Variants in GATAD1 observed in about 807,000 individuals in gnomAD.
GATAD1 encodes GATA zinc finger domain containing 1.
In GATAD1, 12 loss-of-function variants were observed where a neutral mutation model predicts 26.5. The ratio of observed to expected loss-of-function variants is 0.45; its 90% CI spans 0.29 to 0.73. The LOEUF (loss-of-function observed/expected upper bound fraction) is 0.73, where lower values mean the gene tolerates loss of function less well. Among genes scored for constraint, GATAD1 ranks in the 30% least tolerant of loss-of-function variants. The pLI is 0.10. For missense variants in GATAD1, 266 were observed against 342.1 expected, an observed-to-expected ratio of 0.78 and a Z score of 1.75; for synonymous variants, 129 against 133.1, an observed-to-expected ratio of 0.97 and a Z score of 0.21.
At chr7:92,450,630 C>T (rs1249958370) in intron 2 of GATAD1, 71 bp from the exon 3 acceptor site, 1 of 958,816 alleles carries the variant, frequency 1.0e-6, no homozygotes, top group Non-Finnish European at 1.7e-6. Flanking sequence ...GCAGAACTCT[C>T]ATAGGGCTGG....
the GATAD1 span, among the ~76,000 whole-genome samples, chr7:92,479,086 C>T: frequency 1.1e-4 from 17 of 152,200 alleles, no homozygotes; most frequent in East Asian, 9.6e-4. Context: ...TTCCTTCTCT[C>T]GGCTTGGAGC....
At chr7:92,492,972 A>G in the GATAD1 span, 1 of 1,613,796 alleles carries the variant, frequency 6.2e-7, no homozygotes. Flanking sequence ...ACTCGAGAGC[A>G]GCATTCCATG....
chr7:92,470,110 A>G, the GATAD1 span: 1 of 778,562 alleles, frequency 1.3e-6, no homozygotes, highest in Non-Finnish European at 2.4e-6. Context: ...AGGATTAATC[A>G]TTTTTCCTGT....
the GATAD1 span, chr7:92,469,230 T>C: frequency 1.3e-6 from 1 of 763,024 alleles, no homozygotes; most frequent in Non-Finnish European, 2.4e-6. Context: ...AGTCTAAAGC[T>C]CTTCGATTTT....
intron 4 of GATAD1, among the ~76,000 whole-genome samples, chr7:92,455,429 A>G (rs1205608489): frequency 8.5e-5 from 13 of 152,222 alleles, no homozygotes. Context: ...CAAATTCTCA[A>G]TATGTGTGCC....
the GATAD1 span, among the ~76,000 whole-genome samples, chr7:92,467,933 T>C: frequency 6.6e-6 from 1 of 152,250 alleles, no homozygotes; most frequent in East Asian, 1.9e-4. Flanking sequence ...TTTCTTGCTC[T>C]ACCATTAGTG....
At position 92,447,880 on chromosome 7, in the gene GATAD1, G is replaced by A; in HGVS notation, c.151G>A (p.Gly51Arg). 2 of 1,295,216 alleles carry A rather than the reference G, an allele frequency of 1.5e-6. No individual in the cohort carries two copies. The highest frequency in any genetic ancestry group is 1.6e-5 in the African/African-American group (1 of 64,446). 80.2% of individuals were successfully genotyped at this position (1,295,216 alleles called of 1,614,324 possible). A position where few individuals can be genotyped will look rare whatever the true frequency, so the allele number is the denominator to read the frequency against. The stretch of plus-strand genomic sequence containing the variant: ...GGGCGCAGGCTCGGGGGCGGCTGGA[G>A]GGACTGGGGGCAGCGGCGGCGGCGG... ...SGGAGSGAAG[G>R]TGGSGGGGFG... The change falls in exon 1 of 5, where the codon GGG (glycine) becomes AGG (arginine). Residue 51 changes from glycine to arginine, a missense_variant. Gly to Arg is a moderately radical substitution (Grantham distance 125). Transcript: ENST00000287957.
At chr7:92,468,918 C>G in the GATAD1 span, 23 of 763,816 alleles carry the variant, frequency 3.0e-5, no homozygotes, top group Non-Finnish European at 5.5e-5. Flanking sequence ...GCATCTTGGG[C>G]TCCATTTGTA....
At chr7:92,448,906 C>T in intron 2 of GATAD1, 29 bp downstream of exon 2, 1 of 1,599,384 alleles carries the variant, frequency 6.3e-7, no homozygotes, top group Non-Finnish European at 8.6e-7. Flanking sequence ...GTGCCTTTTA[C>T]TGTAATGACG....
the GATAD1 span, chr7:92,491,218 A>C: frequency 1.2e-5 from 15 of 1,242,376 alleles, no homozygotes; most frequent in Non-Finnish European, 1.2e-6. Context: ...GCAACTTTAC[A>C]CCAACATATA....
the GATAD1 span, chr7:92,478,057 A>T: frequency 6.6e-6 from 1 of 152,076 alleles, no homozygotes; most frequent in African/African-American, 2.4e-5. Flanking sequence ...CCTAATTAGC[A>T]TTTTAGTGAG....
chr7:92,459,995 TAAAC>T lies in GATAD1; in HGVS notation c.*3436_*3439del, dbSNP rs1789861558. Among the ~76,000 whole-genome samples, 1 of 152,264 alleles carries T rather than the reference TAAAC, an allele frequency of 6.6e-6. No homozygotes were observed. Among genetic ancestry groups the T allele is most frequent in the Non-Finnish European group, 1.5e-5 (1 of 68,046 alleles). ...TATTAGATTGTTTTTAAGATTGTTT[TAAAC>T]AAGATGTTTTTAAGATGAGTTTTAA... On this transcript the variant is annotated 3_prime_UTR_variant, in exon 5 of 5. Coordinates refer to ENST00000287957, the MANE Select transcript of GATAD1 (RefSeq NM_021167.5).
Position 92,447,962 on chromosome 7 carries a change from G to A in GATAD1, c.233G>A (p.Gly78Asp). ...GCCACCCCTCCGCAGAGCAACGGGGGCGGGGGCGGCAAGCAGGTGAGCTCC... is the reference window on the plus strand; with the variant it reads ...GCCACCCCTCCGCAGAGCAACGGGGACGGGGGCGGCAAGCAGGTGAGCTCC... ...TSATPPQSNGGGGGKQSKQEI... is the reference protein window; with the variant it reads ...TSATPPQSNGDGGGKQSKQEI... The change falls in exon 1 of 5, where the codon GGC becomes GAC. Residue 78 changes from glycine to aspartate, a missense_variant. Coordinates refer to ENST00000287957, the MANE Select transcript of GATAD1 (RefSeq NM_021167.5). 9.8e-6 allele frequency: 12 copies of A among 1,223,862 alleles called. No homozygotes were observed. Among genetic ancestry groups the A allele is most frequent in the Non-Finnish European group, 1.2e-5 (12 of 983,638 alleles). The allele number at this position is 1,223,862 out of a possible 1,614,324, so 75.8% of individuals were successfully genotyped here.
chr7:92,451,180 T>G (rs1206328049), intron 3 of GATAD1, among the ~76,000 whole-genome samples: 1 of 152,166 alleles, frequency 6.6e-6, no homozygotes, highest in Non-Finnish European at 1.5e-5. Context: ...GATTCTAAAA[T>G]GCCTTTAAGT....
intron 3 of GATAD1, among the ~76,000 whole-genome samples, chr7:92,452,222 G>C (rs1195029266): frequency 6.6e-6 from 1 of 152,226 alleles, no homozygotes; most frequent in Non-Finnish European, 1.5e-5. Context: ...ATGGAAGGGT[G>C]TGTGGGACCT....
chr7:92,454,025 C>T (rs1789553325), intron 3 of GATAD1: 1 of 177,784 alleles, frequency 5.6e-6, no homozygotes, highest in African/African-American at 2.4e-5. Flanking sequence ...GAACTCTGGT[C>T]TTTGATGATG....
chr7:92,462,801 A>G (rs144162085), downstream of GATAD1, among the ~76,000 whole-genome samples: 21 of 152,336 alleles, frequency 1.4e-4, no homozygotes, highest in African/African-American at 4.6e-4. Flanking sequence ...TCTCCTCACT[A>G]TGTAAGAAGA....
the GATAD1 span, chr7:92,472,894 G>C: frequency 6.6e-6 from 1 of 152,162 alleles, no homozygotes; most frequent in South Asian, 2.1e-4. Context: ...AGAGCGCTTG[G>C]GTGGCTTGAT....
the GATAD1 span, among the ~76,000 whole-genome samples, chr7:92,492,267 C>G: frequency 3.9e-5 from 6 of 152,080 alleles, no homozygotes; most frequent in Non-Finnish European, 7.4e-5. Flanking sequence ...ACAGCCTCTC[C>G]CAAGAAGCTA....
Sources: allele counts gnomAD v4.1 joint callset (sites outside exome capture counted in the v4.1 genomes callset), GRCh38; gene constraint gnomAD v4.1.1; transcripts MANE v1.5; gene names NCBI Gene and HGNC (gene_info 2026-07-23, HGNC 2026-07-21).